Variants in HSD17B12 observed in about 807,000 individuals in gnomAD.
HSD17B12 encodes the protein hydroxysteroid 17-beta dehydrogenase 12.
In HSD17B12, 32 loss-of-function variants were observed where a neutral mutation model predicts 39.3. That is an observed-to-expected ratio of 0.81 (90% CI 0.61 to 1.09). The LOEUF (loss-of-function observed/expected upper bound fraction) is 1.09, where lower values mean the gene tolerates loss of function less well. Among genes scored for constraint, HSD17B12 ranks in the 50% least tolerant of loss-of-function variants. The pLI, the probability that HSD17B12 is intolerant of heterozygous loss-of-function variation, is 0.00. For synonymous variants in HSD17B12, 150 were observed against 146.7 expected (o/e 1.02, Z -0.16); for missense variants, 342 against 382.9 (o/e 0.89, Z 0.89).
At chr11:43,690,404 ATTT>A (rs1206545700) in intron 1 of HSD17B12, among the ~76,000 whole-genome samples, 4 of 24,960 alleles carry the variant, frequency 1.6e-4, no homozygotes, top group African/African-American at 7.6e-4. Context: ...ATATATATAT[ATTT>A]TTTTTTTTTT....
At chr11:43,723,765 A>C (rs1950196234) in intron 1 of HSD17B12, among the ~76,000 whole-genome samples, 3 of 152,208 alleles carry the variant, frequency 2.0e-5, no homozygotes, top group African/African-American at 7.2e-5. Flanking sequence ...GCTGAACCAG[A>C]CAGGTCTGCA....
Position 43,854,847 on chromosome 11 carries a change from C to T in HSD17B12, c.817C>T (p.Leu273=). The T allele has an allele frequency of 1.2e-6, 2 of 1,614,116 alleles. No individual in the cohort carries two copies. Among genetic ancestry groups the T allele is most frequent in the Non-Finnish European group, 1.7e-6 (2 of 1,179,974 alleles). ...VGLQSRTNGY[L]IHALMGSIIS... ...CCTGCAATCCCGAACCAATGGATAC[C>T]TGATCCATGCTCTTATGGTAGGTAG... Residue 273 remains leucine, a synonymous_variant, in exon 10 of 11, where the codon CTG becomes TTG. Transcript: ENST00000278353.
rs1215527961 is a variant in HSD17B12 at position 43,776,175 on chromosome 11, C to T, written c.283+22054C>T. ...TTCTAGTTCTAGATCCCTGAGGAAT[C>T]GCCACACTGACTTCCACAATGGTTG... On this transcript the variant is annotated intron_variant, in intron 3 of 10. Transcript: ENST00000278353. 7.0e-4 allele frequency among the ~76,000 whole-genome samples: 107 copies of T among 152,134 alleles called. 3 individuals are homozygous for T. The South Asian group carries it at 0.021, about 30-fold the overall frequency.
At chr11:43,786,260 C>T (rs1234510022) in intron 3 of HSD17B12, among the ~76,000 whole-genome samples, 2 of 152,180 alleles carry the variant, frequency 1.3e-5, no homozygotes, top group Non-Finnish European at 2.9e-5. Context: ...AAAAGTGCTT[C>T]ATGCATACTT....
chr11:43,753,159 T>C (rs1273560374), intron 2 of HSD17B12, among the ~76,000 whole-genome samples: 1 of 152,180 alleles, frequency 6.6e-6, no homozygotes, highest in Non-Finnish European at 1.5e-5. Flanking sequence ...ATCTTTTTCA[T>C]TATGTACAAC....
rs187935649 is a variant in HSD17B12, at chr11:43,792,171, G to A, written c.284-6149G>A. ...TGTAAGGATACGGTAAGGCCTAGGA[G>A]TTGTGGGGGAAAGAAGACAGGAAAA... On this transcript the variant is annotated intron_variant, in intron 3 of 10. Transcript: ENST00000278353. Among the ~76,000 whole-genome samples the A allele has an allele frequency of 3.3e-5, 5 of 152,320 alleles. No individual in the cohort carries two copies. The East Asian group carries it at 9.6e-4, about 29-fold the overall frequency.
At chr11:43,837,674 G>C (rs1165469472) in intron 7 of HSD17B12, among the ~76,000 whole-genome samples, 3 of 152,130 alleles carry the variant, frequency 2.0e-5, no homozygotes, top group African/African-American at 7.2e-5. Flanking sequence ...TAATTTTAGA[G>C]TCAACTCTTT....
intron 1 of HSD17B12, among the ~76,000 whole-genome samples, chr11:43,740,317 T>C (rs1175492942): frequency 6.6e-6 from 1 of 152,198 alleles, no homozygotes; most frequent in Non-Finnish European, 1.5e-5. Flanking sequence ...ATCAGTGACA[T>C]ACCTTGAGCA....
In HSD17B12 at chr11:43,692,453, C is replaced by T. The variant is rs996821915; in HGVS notation, c.160+11466C>T. Among the ~76,000 whole-genome samples, 3 of 152,134 alleles carry T rather than the reference C, an allele frequency of 2.0e-5. No individual in the cohort carries two copies. The South Asian group carries it at 6.2e-4, about 31-fold the overall frequency. On this transcript the variant is annotated intron_variant, in intron 1 of 10. Transcript: ENST00000278353. ...GTCCTTGAATAGTATTGGTAACAGG[C>T]TAACCTTTCTTCATCTGTGGTATCA...
intron 3 of HSD17B12, among the ~76,000 whole-genome samples, chr11:43,794,460 A>T (rs140519454): frequency 2.6e-5 from 4 of 152,360 alleles, no homozygotes; most frequent in Non-Finnish European, 5.9e-5. Context: ...AAAGAAGAAC[A>T]AAGTAGACTT....
the HSD17B12 span, among the ~76,000 whole-genome samples, chr11:43,586,754 C>G: frequency 2.3e-3 from 350 of 152,296 alleles, 2 homozygotes; most frequent in African/African-American, 7.1e-3. Flanking sequence ...CATATTTCTA[C>G]CAATATCAGC....
At chr11:43,762,123 T>C (rs1221243203) in intron 3 of HSD17B12, among the ~76,000 whole-genome samples, 1 of 152,182 alleles carries the variant, frequency 6.6e-6, no homozygotes, top group Non-Finnish European at 1.5e-5. Context: ...AGAGCGTTCA[T>C]TGCAATTTGC....
At chr11:43,852,576 T>C (rs1455245035) in intron 9 of HSD17B12, 3 of 152,196 alleles carry the variant, frequency 2.0e-5, no homozygotes, top group Non-Finnish European at 4.4e-5. Context: ...ATACTCTTTC[T>C]TTCCTTACTG....
At chr11:43,606,220 T>C in the HSD17B12 span, among the ~76,000 whole-genome samples, 1 of 152,272 alleles carries the variant, frequency 6.6e-6, no homozygotes, top group Non-Finnish European at 1.5e-5. Flanking sequence ...CTTCCTGATG[T>C]ACTCATATCG....
chr11:43,778,680 T>C (rs1950735289), intron 3 of HSD17B12, among the ~76,000 whole-genome samples: 1 of 151,224 alleles, frequency 6.6e-6, no homozygotes, highest in African/African-American at 2.4e-5. Flanking sequence ...GCTGGTTCAA[T>C]ATATGCAAAT....
At chr11:43,771,558 C>A (rs1950650297) in intron 3 of HSD17B12, among the ~76,000 whole-genome samples, 2 of 150,406 alleles carry the variant, frequency 1.3e-5, no homozygotes, top group South Asian at 4.2e-4. Context: ...CCTCCACCTC[C>A]CGGGCTCAAG....
chr11:43,836,156 G>A (rs954979737), intron 7 of HSD17B12, among the ~76,000 whole-genome samples: 2 of 152,148 alleles, frequency 1.3e-5, no homozygotes, highest in African/African-American at 4.8e-5. Flanking sequence ...GAGTATAATG[G>A]AGCATTTAAT....
At chr11:43,739,517 C>T (rs1414844580) in intron 1 of HSD17B12, among the ~76,000 whole-genome samples, 1 of 152,146 alleles carries the variant, frequency 6.6e-6, no homozygotes, top group Non-Finnish European at 1.5e-5. Flanking sequence ...AGGATGGCAC[C>T]CTGTTGCTGC....
chr11:43,618,945 T>A, the HSD17B12 span, among the ~76,000 whole-genome samples: 1 of 151,510 alleles, frequency 6.6e-6, no homozygotes, highest in African/African-American at 2.4e-5. Flanking sequence ...GGCTCAGACA[T>A]GCACTCAAGG....
Sources: gnomAD v4.1 joint callset for allele counts (sites outside exome capture counted in the v4.1 genomes callset) on GRCh38, gnomAD v4.1.1 for gene constraint, MANE v1.5 for transcripts, NCBI Gene and HGNC (gene_info 2026-07-23, HGNC 2026-07-21) for gene names.